Variants in SETD2 observed in about 807,000 individuals in gnomAD.
The protein encoded by SETD2 is histone-lysine N-methyltransferase SETD2.
In SETD2, 31 loss-of-function variants were observed where a neutral mutation model predicts 242.1. The observed-to-expected ratio is 0.13, with a 90% confidence interval of 0.10 to 0.17. SETD2 has a LOEUF of 0.17. Among genes scored for constraint, SETD2 ranks in the 10% least tolerant of loss-of-function variants. The pLI, the probability that SETD2 is intolerant of heterozygous loss-of-function variation, is 1.00. For synonymous variants in SETD2, 1,006 were observed against 1,066.5 expected (o/e 0.94, Z 1.11); for missense variants, 2,481 against 3,046.3 (o/e 0.81, Z 4.37).
chr3:47,146,708 G>C (rs542355511), intron 1 of SETD2, among the ~76,000 whole-genome samples: 2 of 151,788 alleles, frequency 1.3e-5, no homozygotes, highest in African/African-American at 4.8e-5. Flanking sequence ...AGGCCAAGGC[G>C]AGATGACTGC....
chr3:47,023,466 T>C (rs1346379239), intron 18 of SETD2, among the ~76,000 whole-genome samples: 3 of 152,138 alleles, frequency 2.0e-5, no homozygotes, highest in Non-Finnish European at 4.4e-5. Flanking sequence ...ACTACATCTT[T>C]TGTGGCAGCA....
chr3:47,084,278 G>A lies in SETD2; in HGVS notation c.5502C>T (p.Val1834=), dbSNP rs1412164409. Residue 1834 remains valine (V), a synonymous_variant, in exon 12 of 21, where the codon GTC becomes GTT. Transcript: ENST00000409792. The stretch of plus-strand genomic sequence containing the variant: ...ACCCATCTCCTTCACTCAACGGAGG[G>A]ACAGCAGTCTTAGTCTGAGACCAGC... ...IQRWSQTKTA[V]PPLSEGDGYS... 11 of 1,613,874 alleles carry A rather than the reference G, an allele frequency of 6.8e-6. No individual in the cohort carries two copies. The highest frequency in any genetic ancestry group is 9.3e-6 in the Non-Finnish European group (11 of 1,179,926).
chr3:47,020,235 G>A (rs906426546), intron 18 of SETD2, among the ~76,000 whole-genome samples: 3 of 152,068 alleles, frequency 2.0e-5, no homozygotes, highest in Non-Finnish European at 4.4e-5. Context: ...GAGGCGAAAT[G>A]CTCTGTTCTG....
intron 12 of SETD2, among the ~76,000 whole-genome samples, chr3:47,073,868 T>C (rs1255240893): frequency 1.3e-5 from 2 of 152,258 alleles, no homozygotes; most frequent in African/African-American, 4.8e-5. Context: ...ATTCTCATTC[T>C]TACGTATATA....
At chr3:47,064,572 A>G in intron 13 of SETD2, 1 of 350,186 alleles carries the variant, frequency 2.9e-6, no homozygotes, top group Admixed American at 3.5e-5. Flanking sequence ...TCATATTCTG[A>G]CTCTGCACCT....
rs1004809383 is a variant in SETD2 at position 47,164,010 on chromosome 3, ACCGCGGCGG to A, written c.-95_-87del. 7 of 1,153,562 alleles carry A rather than the reference ACCGCGGCGG, an allele frequency of 6.1e-6. No homozygotes were observed. The highest frequency in any genetic ancestry group is 7.3e-6 in the Non-Finnish European group (7 of 952,576). 71.5% of individuals were successfully genotyped at this position (1,153,562 alleles called of 1,614,324 possible). On this transcript the variant is annotated 5_prime_UTR_variant, in exon 1 of 21. Transcript: ENST00000409792. This position sits in a 1 kb window ranked among gnomAD's most constrained non-coding sequence, Gnocchi z 5.4. ...GGGAGGGGAGGAGGCCGCAGGTCCG[ACCGCGGCGG>A]CGGCGGCGGCGGCGGCGGCGGCGGC...
chr3:47,110,386 C>G (rs2042604288), intron 5 of SETD2, among the ~76,000 whole-genome samples: 1 of 152,172 alleles, frequency 6.6e-6, no homozygotes, highest in South Asian at 2.1e-4. Context: ...CTAAATGGTA[C>G]TGAATTGTAA....
In SETD2 at chr3:47,044,387, G is replaced by T. The variant is rs151294312; in HGVS notation, c.7099-1687C>A. ...AAAAAAAAAAAAAAAAAAAAAAAAA[G>T]GCCTAGAAGGGCTCAACTCGTAACA... On this transcript the variant is annotated intron_variant, in intron 16 of 20. Transcript: ENST00000409792. 2.1e-3 allele frequency among the ~76,000 whole-genome samples: 156 copies of T among 75,568 alleles called. 6 individuals carry two copies. In the East Asian group the frequency reaches 0.057, roughly 28 times the overall value. 49.6% of individuals were successfully genotyped at this position (75,568 alleles called of 152,430 possible).
chr3:47,076,150 C>A (rs1185611589), intron 12 of SETD2, among the ~76,000 whole-genome samples: 2 of 152,000 alleles, frequency 1.3e-5, no homozygotes, highest in Non-Finnish European at 2.9e-5. Flanking sequence ...CTTGGAGAAA[C>A]AGGAAAGACT....
chr3:47,074,589 C>A (rs1273912407), intron 12 of SETD2, among the ~76,000 whole-genome samples: 1 of 152,128 alleles, frequency 6.6e-6, no homozygotes, highest in Non-Finnish European at 1.5e-5. Flanking sequence ...CTTGGTCCCC[C>A]AACCACCTTC....
At chr3:47,156,873 C>T (rs1039710269) in intron 1 of SETD2, among the ~76,000 whole-genome samples, 3 of 152,170 alleles carry the variant, frequency 2.0e-5, no homozygotes, top group Admixed American at 6.5e-5. Context: ...TTGCTGGGCA[C>T]GGTGGCTCAC....
intron 13 of SETD2, chr3:47,064,451 A>G: frequency 5.5e-6 from 1 of 183,306 alleles, no homozygotes; most frequent in Non-Finnish European, 1.2e-5. Context: ...ACCCACGTCT[A>G]TCTTGCTTCC....
chr3:47,104,206 G>A (rs1363007322), intron 6 of SETD2, among the ~76,000 whole-genome samples: 37 of 150,622 alleles, frequency 2.5e-4, no homozygotes, highest in Admixed American at 2.2e-3. Context: ...AATGTAAAGC[G>A]ATGCAACTCT....
intron 1 of SETD2, among the ~76,000 whole-genome samples, chr3:47,127,183 C>A (rs547494722): frequency 1.3e-4 from 20 of 151,814 alleles, no homozygotes; most frequent in Non-Finnish European, 4.4e-5. Flanking sequence ...ATGGTGAAAC[C>A]CTGTCTCTAT....
At position 47,101,544 on chromosome 3, in the gene SETD2, G is replaced by A. The variant is rs139879059; in HGVS notation, c.4929C>T (p.Asn1643=). The A allele has an allele frequency of 2.9e-5, 46 of 1,608,362 alleles. No individual in the cohort carries two copies. The highest frequency in any genetic ancestry group is 1.7e-4 in the Middle Eastern group (1 of 6,050). Reference sequence around the variant, plus strand: ...TAAAAAACCCAACCCTCAGTTGTCCGTTCACAGTCCACTGAGATGATGTTT... The same window carrying A: ...TAAAAAACCCAACCCTCAGTTGTCCATTCACAGTCCACTGAGATGATGTTT... ...PNCETQKWTV[N]GQLRVGFFTT... The change falls in exon 8 of 21, where the codon AAC becomes AAT. Residue 1643 remains asparagine (N), a synonymous_variant. Coordinates refer to ENST00000409792, the MANE Select transcript of SETD2 (RefSeq NM_014159.7).
intron 3 of SETD2, 29 bp downstream of exon 3, chr3:47,120,152 AT>A: frequency 6.8e-7 from 1 of 1,462,146 alleles, no homozygotes. Context: ...AAGAGTTAAA[AT>A]TTGTCAAACA....
intron 1 of SETD2, among the ~76,000 whole-genome samples, chr3:47,133,257 T>C (rs573077997): frequency 4.6e-5 from 7 of 152,334 alleles, no homozygotes; most frequent in South Asian, 2.1e-4. Flanking sequence ...GGGGTCTATG[T>C]GGTCCAGGTT....
rs1406372143 is a variant in SETD2, at chr3:47,109,811, C to G, written c.4716-3691G>C. Reference sequence around the variant, plus strand: ...GACCAGCTGGGCCAACATGGTGAAACCCCCTCTCTACTAAAAATAGAAAAA... The same window carrying G: ...GACCAGCTGGGCCAACATGGTGAAAGCCCCTCTCTACTAAAAATAGAAAAA... On this transcript the variant is annotated intron_variant, in intron 5 of 20. Coordinates refer to ENST00000409792, the MANE Select transcript of SETD2 (RefSeq NM_014159.7). Among the ~76,000 whole-genome samples the G allele has an allele frequency of 2.6e-5, 4 of 151,678 alleles. No homozygotes were observed. In the East Asian group the frequency reaches 5.8e-4, roughly 22 times the overall value.
At position 47,151,698 on chromosome 3, in the gene SETD2, G is replaced by A. The variant is rs767444527; in HGVS notation, c.71+12156C>T. 5.2e-4 allele frequency among the ~76,000 whole-genome samples: 79 copies of A among 151,768 alleles called. 4 individuals carry two copies. The highest frequency in any genetic ancestry group is 1.6e-4 in the Non-Finnish European group (11 of 67,968). On this transcript the variant is annotated intron_variant, in intron 1 of 20. Transcript: ENST00000409792. The stretch of plus-strand genomic sequence containing the variant: ...AAAAATTAGCCGGGCGTGGTGGTAC[G>A]CGCCTGTAATCCCACCTACTTGGGA...
Sources: allele counts gnomAD v4.1 joint callset (sites outside exome capture counted in the v4.1 genomes callset), GRCh38; gene constraint gnomAD v4.1.1; non-coding constraint Gnocchi (gnomAD v3.1); transcripts MANE v1.5; gene names NCBI Gene and HGNC (gene_info 2026-07-23, HGNC 2026-07-21).